NCOA2: variants seen among roughly 807,000 people sequenced by gnomAD.
The protein encoded by NCOA2 is class E basic helix-loop-helix protein 75.
In NCOA2, 21 loss-of-function variants were observed where a neutral mutation model predicts 145.1. The observed-to-expected ratio is 0.14, with a 90% CI of 0.10 to 0.21. NCOA2 has a LOEUF of 0.21. Ranked by LOEUF, NCOA2 falls within the 10% of genes least tolerant of loss-of-function variation. The pLI is 1.00. For missense variants in NCOA2, 1,472 were observed against 1,837.6 expected (o/e 0.80, Z 3.64); for synonymous variants, 619 against 637.5 (o/e 0.97, Z 0.44).
intron 4 of NCOA2, among the ~76,000 whole-genome samples, chr8:70,208,586 T>C (rs1818709650): frequency 6.6e-6 from 1 of 152,218 alleles, no homozygotes; most frequent in South Asian, 2.1e-4. Flanking sequence ...AAGGACAAAC[T>C]GACTCTTCTG....
intron 1 of NCOA2, among the ~76,000 whole-genome samples, chr8:70,398,765 G>C (rs1813934406): frequency 6.6e-6 from 1 of 152,106 alleles, no homozygotes; most frequent in African/African-American, 2.4e-5. Flanking sequence ...TTCTTCTCTA[G>C]AAATTTCCAA....
rs576902004 is a variant in NCOA2, at chr8:70,264,660, T to C, written c.-20+32084A>G. 2.6e-4 allele frequency among the ~76,000 whole-genome samples: 40 copies of C among 152,350 alleles called. No homozygotes were observed. The East Asian group carries it at 4.2e-3, about 16-fold the overall frequency. Reference sequence around the variant, plus strand: ...AGGTAATACTCTAAAGAAACTGTCATATCTATGTAAGGTATCATGAACAAA... The same window carrying C: ...AGGTAATACTCTAAAGAAACTGTCACATCTATGTAAGGTATCATGAACAAA... On this transcript the variant is annotated intron_variant, in intron 2 of 22. Coordinates refer to ENST00000452400, the MANE Select transcript of NCOA2 (RefSeq NM_006540.4).
At chr8:70,309,241 A>C (rs545461387) in intron 1 of NCOA2, among the ~76,000 whole-genome samples, 4 of 152,060 alleles carry the variant, frequency 2.6e-5, no homozygotes, top group Non-Finnish European at 5.9e-5. Context: ...AACCATCCCT[A>C]TTGTGCCCTG....
At chr8:70,358,059 C>A (rs1031675142) in intron 1 of NCOA2, among the ~76,000 whole-genome samples, 4 of 151,490 alleles carry the variant, frequency 2.6e-5, no homozygotes, top group African/African-American at 9.7e-5. Flanking sequence ...GCAAAAAAAA[C>A]AAAACAGAAC....
At chr8:70,127,808 T>C (rs12547963) in intron 18 of NCOA2, among the ~76,000 whole-genome samples, 13,610 of 152,202 alleles carry the variant, frequency 0.089, 674 homozygotes, top group East Asian at 0.13. Flanking sequence ...CCAGCAGAGG[T>C]TGAACAAGGC....
chr8:70,337,073 G>T (rs527666950), intron 1 of NCOA2, among the ~76,000 whole-genome samples: 2 of 152,268 alleles, frequency 1.3e-5, no homozygotes, highest in East Asian at 3.9e-4. Context: ...CATGGAGCAG[G>T]AGCACTCACA....
intron 4 of NCOA2, among the ~76,000 whole-genome samples, chr8:70,211,613 T>A (rs779544705): frequency 1.3e-5 from 2 of 152,194 alleles, no homozygotes; most frequent in Non-Finnish European, 2.9e-5. Context: ...AAACTCTATA[T>A]GAGGCAACTG....
chr8:70,155,998 C>T lies in NCOA2; in HGVS notation c.2367G>A (p.Glu789=), dbSNP rs774643366. The part of the protein sequence containing the change: ...TKLIAMKTEK[E]EMSFEPGDQP... Reference sequence around the variant, plus strand: ...GGTCACCAGGCTCAAAGCTCATCTCCTCCTTCTCAGTTTTCATTGCTATTA... The same window carrying T: ...GGTCACCAGGCTCAAAGCTCATCTCTTCCTTCTCAGTTTTCATTGCTATTA... Residue 789 remains glutamate, a synonymous_variant, in exon 11 of 23, where the codon GAG becomes GAA. Coordinates refer to ENST00000452400, the MANE Select transcript of NCOA2 (RefSeq NM_006540.4). The T allele has an allele frequency of 1.3e-6, 2 of 1,592,776 alleles. No individual in the cohort carries two copies. Among genetic ancestry groups the T allele is most frequent in the South Asian group, 2.3e-5 (2 of 87,016 alleles).
In NCOA2 at chr8:70,156,949, T is replaced by C. The variant is rs1462889886; in HGVS notation, c.1416A>G (p.Gln472=). 6.2e-7 allele frequency: 1 copy of C among 1,614,026 alleles called. No homozygotes were observed. Among genetic ancestry groups the C allele is most frequent in the East Asian group, 2.2e-5 (1 of 44,878 alleles). ...GTCCTGGATTCATGCCAGGGCTGCT[T>C]TGTGAGGGGCTGTTCATTTTGAGTG... ...NYALKMNSPS[Q]SSPGMNPGQP... Residue 472 remains glutamine (Q), a synonymous_variant, in exon 11 of 23, where the codon CAA becomes CAG. Coordinates refer to ENST00000452400, the MANE Select transcript of NCOA2 (RefSeq NM_006540.4).
At chr8:70,161,163 T>C (rs1462792710) in intron 9 of NCOA2, among the ~76,000 whole-genome samples, 6 of 152,248 alleles carry the variant, frequency 3.9e-5, no homozygotes, top group East Asian at 1.9e-4. Flanking sequence ...TTTCAAAAGT[T>C]TGAAATGTCT....
chr8:70,212,524 T>C, intron 4 of NCOA2, among the ~76,000 whole-genome samples: 1 of 152,136 alleles, frequency 6.6e-6, no homozygotes, highest in East Asian at 1.9e-4. Context: ...GTGAATGCTA[T>C]ATGTATATTT....
At chr8:70,330,597 CA>C (rs960620370) in intron 1 of NCOA2, among the ~76,000 whole-genome samples, 2 of 145,362 alleles carry the variant, frequency 1.4e-5, no homozygotes, top group Non-Finnish European at 3.0e-5. Flanking sequence ...AAAAAACAAA[CA>C]AAAAAAAGAT....
intron 1 of NCOA2, among the ~76,000 whole-genome samples, chr8:70,312,574 T>C (rs1225875576): frequency 6.6e-6 from 1 of 151,772 alleles, no homozygotes; most frequent in Non-Finnish European, 1.5e-5. Context: ...ATGAACAAAA[T>C]CATCTTGGAA....
rs1191092381 is a variant in NCOA2 at position 70,400,647 on chromosome 8, TTC to T, written c.-77+3051_-77+3052del. ...TGTCAGTCTAAGTGTTTGGTTTACC[TTC>T]TCTGTTTTTACTATTTTATTACAAA... On this transcript the variant is annotated intron_variant, in intron 1 of 22. Coordinates refer to ENST00000452400, the MANE Select transcript of NCOA2 (RefSeq NM_006540.4). 1.8e-4 allele frequency among the ~76,000 whole-genome samples: 28 copies of T among 152,304 alleles called. No homozygotes were observed. In the South Asian group the frequency reaches 5.6e-3, roughly 30 times the overall value.
At chr8:70,325,512 C>G (rs1332234655) in intron 1 of NCOA2, among the ~76,000 whole-genome samples, 2 of 151,898 alleles carry the variant, frequency 1.3e-5, no homozygotes, top group Admixed American at 1.3e-4. Context: ...CAGCCTCAAC[C>G]TCCTCTGGCT....
chr8:70,360,441 G>A (rs1586592499), intron 1 of NCOA2, among the ~76,000 whole-genome samples: 1 of 152,226 alleles, frequency 6.6e-6, no homozygotes, highest in East Asian at 1.9e-4. Context: ...TTAATTAGCA[G>A]TACAAACAGA....
intron 22 of NCOA2, among the ~76,000 whole-genome samples, chr8:70,120,314 C>T (rs1263299009): frequency 3.3e-5 from 5 of 152,206 alleles, no homozygotes; most frequent in Non-Finnish European, 7.3e-5. Context: ...CCAAACTGCT[C>T]AGACTTCTTC....
chr8:70,274,845 C>G (rs1825351744), intron 2 of NCOA2, among the ~76,000 whole-genome samples: 1 of 152,156 alleles, frequency 6.6e-6, no homozygotes. Flanking sequence ...CTCATCGCTA[C>G]TCGTGAACTC....
At chr8:70,305,760 A>G (rs1827841490) in intron 1 of NCOA2, among the ~76,000 whole-genome samples, 2 of 152,256 alleles carry the variant, frequency 1.3e-5, no homozygotes, top group African/African-American at 4.8e-5. Context: ...GACTCAAATT[A>G]TAATTATGTA....
Sources: allele counts gnomAD v4.1 joint callset (sites outside exome capture counted in the v4.1 genomes callset), GRCh38; gene constraint gnomAD v4.1.1; transcripts MANE v1.5; gene names NCBI Gene and HGNC (gene_info 2026-07-23, HGNC 2026-07-21).